MYOF: variants seen among roughly 807,000 people sequenced by gnomAD.
The protein encoded by MYOF is fer-1-like 3, myoferlin.
A neutral mutation model predicts 284.2 loss-of-function variants in MYOF; 244 were observed. The ratio of observed to expected loss-of-function variants is 0.86; its 90% CI spans 0.77 to 0.95. The LOEUF is 0.95. Among genes scored for constraint, MYOF ranks in the 40% least tolerant of loss-of-function variants. MYOF has a pLI of 0.00. For synonymous variants in MYOF, 904 were observed against 919.7 expected (o/e 0.98, Z 0.31); for missense variants, 2,496 against 2,560.6 (o/e 0.97, Z 0.54).
At chr10:93,381,144 GAC>G in intron 20 of MYOF, 73 bp downstream of exon 20, 6 of 1,470,088 alleles carry the variant, frequency 4.1e-6, no homozygotes, top group Non-Finnish European at 5.7e-6. Context: ...CCAGAGGGAA[GAC>G]ACAGTGCTTG....
Position 93,409,594 on chromosome 10 carries a change from T to C in MYOF, c.579A>G (p.Ser193=). The change falls in exon 6 of 54, where the codon TCA becomes TCG. Residue 193 remains serine (S), a synonymous_variant. Coordinates refer to ENST00000359263, the MANE Select transcript of MYOF (RefSeq NM_013451.4). ...TKVKNSRRML[S]NKPQDFQIRV... The stretch of plus-strand genomic sequence containing the variant: ...CTACCTGGAAGTCCTGTGGCTTATT[T>C]GACAGCATCCGCCGGCTGTTCTTTA... 1.9e-6 allele frequency: 3 copies of C among 1,613,990 alleles called. No homozygotes were observed. The highest frequency in any genetic ancestry group is 2.5e-6 in the Non-Finnish European group (3 of 1,180,002).
At chr10:93,393,653 C>T (rs1846809152) in intron 16 of MYOF, among the ~76,000 whole-genome samples, 1 of 152,148 alleles carries the variant, frequency 6.6e-6, no homozygotes, top group Non-Finnish European at 1.5e-5. Flanking sequence ...GTCATCTTTA[C>T]CCTCCCCCCA....
Position 93,374,778 on chromosome 10 carries a change from C to T in MYOF, c.2286G>A (p.Met762Ile). ...AEIEDWLDKL[M>I]QLTEEPQNSM... ...AAAGTCCTACCTCTTCAGTCAGCTG[C>T]ATTAATTTATCAAGCCAGTCCTCAA... The change falls in exon 23 of 54, where the codon ATG (methionine) becomes ATA (isoleucine). Residue 762 changes from methionine to isoleucine, a missense_variant. Around this residue, in one of 3 missense-constraint regions of MYOF, gnomAD observed 2,436 missense variants for 2,480.7 expected, o/e 0.98. Coordinates refer to ENST00000359263, the MANE Select transcript of MYOF (RefSeq NM_013451.4). 1 of 1,613,826 alleles carries T rather than the reference C, an allele frequency of 6.2e-7. No individual in the cohort carries two copies. Among genetic ancestry groups the T allele is most frequent in the Non-Finnish European group, 8.5e-7 (1 of 1,179,910 alleles).
intron 53 of MYOF, among the ~76,000 whole-genome samples, chr10:93,307,651 T>G (rs1842179735): frequency 1.4e-5 from 2 of 140,480 alleles, no homozygotes; most frequent in East Asian, 2.2e-4. Flanking sequence ...TGAGACGGAG[T>G]TTTGCACTTG....
intron 5 of MYOF, among the ~76,000 whole-genome samples, chr10:93,419,721 A>G (rs1432202109): frequency 6.6e-6 from 1 of 152,208 alleles, no homozygotes. Context: ...ATAGTTATTC[A>G]TGTTTATCTC....
chr10:93,404,339 T>C (rs532277917), intron 7 of MYOF, 120 bp from the exon 8 acceptor site: 58 of 1,023,034 alleles, frequency 5.7e-5, no homozygotes, highest in Middle Eastern at 6.0e-4. Flanking sequence ...AAATTAGGTT[T>C]GACCATGTGA....
chr10:93,407,724 C>A (rs1221662874), intron 7 of MYOF, among the ~76,000 whole-genome samples: 1 of 135,364 alleles, frequency 7.4e-6, no homozygotes, highest in African/African-American at 2.8e-5. Flanking sequence ...GGCGACAGAG[C>A]CAGACTCTGT....
rs764318229 is a variant in MYOF at position 93,351,395 on chromosome 10, A to C, written c.3822+18T>G. 3.1e-6 allele frequency: 5 copies of C among 1,613,086 alleles called. No individual in the cohort carries two copies. The highest frequency in any genetic ancestry group is 4.2e-6 in the Non-Finnish European group (5 of 1,179,578). The stretch of plus-strand genomic sequence containing the variant: ...TAAGCAGCTGACAGAATACATGAGG[A>C]AGAACACAGCAATGTACCTTGCCCC... On this transcript the variant is annotated intron_variant, in intron 34 of 53. Transcript: ENST00000359263.
chr10:93,394,983 T>C lies in MYOF; in HGVS notation c.1417+1159A>G, dbSNP rs552649180. Reference sequence around the variant, plus strand: ...TTATCCATTGCTTGAATTAACAATGTTTTTTCAAAACCTATAAAAAGACCT... The same window carrying C: ...TTATCCATTGCTTGAATTAACAATGCTTTTTCAAAACCTATAAAAAGACCT... On this transcript the variant is annotated intron_variant, in intron 16 of 53. Coordinates refer to ENST00000359263, the MANE Select transcript of MYOF (RefSeq NM_013451.4). 3.3e-5 allele frequency among the ~76,000 whole-genome samples: 5 copies of C among 151,692 alleles called. No homozygotes were observed. In the South Asian group the frequency reaches 1.0e-3, roughly 32 times the overall value.
At chr10:93,383,366 T>A (rs1289409249) in intron 19 of MYOF, among the ~76,000 whole-genome samples, 1 of 152,190 alleles carries the variant, frequency 6.6e-6, no homozygotes, top group Non-Finnish European at 1.5e-5. Flanking sequence ...AAATCCCCTC[T>A]AGGCCTCAAT....
At chr10:93,364,122 G>T in intron 26 of MYOF, 47 bp from the exon 27 acceptor site, 1 of 1,525,888 alleles carries the variant, frequency 6.6e-7, no homozygotes, top group South Asian at 1.1e-5. Context: ...CCGGGTAACC[G>T]GCAGCCTCGG....
chr10:93,330,345 A>T (rs1843244031), intron 43 of MYOF, among the ~76,000 whole-genome samples: 1 of 152,180 alleles, frequency 6.6e-6, no homozygotes, highest in Non-Finnish European at 1.5e-5. Flanking sequence ...TGAGTAAGGC[A>T]CAAGTACCCT....
At chr10:93,345,851 T>C (rs1844162528) in intron 37 of MYOF, among the ~76,000 whole-genome samples, 1 of 152,176 alleles carries the variant, frequency 6.6e-6, no homozygotes, top group Non-Finnish European at 1.5e-5. Context: ...ACACTCTACA[T>C]TGATTACATA....
At chr10:93,384,193 A>C (rs945593641) in intron 19 of MYOF, among the ~76,000 whole-genome samples, 1 of 152,232 alleles carries the variant, frequency 6.6e-6, no homozygotes, top group Non-Finnish European at 1.5e-5. Context: ...TCGATGATTC[A>C]GGCAGCTGAG....
chr10:93,441,569 T>A (rs1440386347), intron 3 of MYOF, among the ~76,000 whole-genome samples: 1 of 147,302 alleles, frequency 6.8e-6, no homozygotes, highest in Non-Finnish European at 1.5e-5. Flanking sequence ...ATCTTTTTTT[T>A]TTTTTTTTTT....
At chr10:93,406,321 T>TATATATATATATA (rs1554855614) in intron 7 of MYOF, among the ~76,000 whole-genome samples, 3 of 128,566 alleles carry the variant, frequency 2.3e-5, no homozygotes, top group East Asian at 2.9e-4. Context: ...TATATATTTG[T>TATATATATATATA]TTTTATCATC....
chr10:93,341,438 G>A (rs1843906645), intron 38 of MYOF, among the ~76,000 whole-genome samples: 1 of 151,982 alleles, frequency 6.6e-6, no homozygotes, highest in Non-Finnish European at 1.5e-5. Flanking sequence ...ACCACACCTG[G>A]CTAATTTTTT....
intron 19 of MYOF, among the ~76,000 whole-genome samples, chr10:93,383,517 G>T (rs1397726201): frequency 6.6e-6 from 1 of 152,072 alleles, no homozygotes; most frequent in Non-Finnish European, 1.5e-5. Flanking sequence ...GAGGATTGGG[G>T]GTGCACGCTA....
chr10:93,307,098 C>A (rs180878453), intron 53 of MYOF, 97 bp from the exon 54 acceptor site: 1 of 1,146,864 alleles, frequency 8.7e-7, no homozygotes, highest in East Asian at 2.4e-5. Context: ...ACATTTTGAA[C>A]CAGATGATTC....
Sources: gnomAD v4.1 joint callset for allele counts (sites outside exome capture counted in the v4.1 genomes callset) on GRCh38, gnomAD v4.1.1 for gene constraint, gnomAD v4.1.1 regional missense constraint, MANE v1.5 for transcripts, NCBI Gene and HGNC (gene_info 2026-07-23, HGNC 2026-07-21) for gene names.